Variants in ADRA1A observed in about 807,000 individuals in gnomAD.
ADRA1A encodes adrenoceptor alpha 1A.
In ADRA1A, 31 loss-of-function variants were observed where a neutral mutation model predicts 29.6. That is an observed-to-expected ratio of 1.05 (90% confidence interval 0.79 to 1.41). ADRA1A has a LOEUF of 1.41. ADRA1A is among the 40% of genes most tolerant of loss of function. The pLI is 0.00. For missense variants in ADRA1A, 619 were observed against 601.1 expected (o/e 1.03, Z -0.31); for synonymous variants, 311 against 254.3 (o/e 1.22, Z -2.12).
At chr8:26,816,042 A>G (rs1291588784) in intron 2 of ADRA1A, among the ~76,000 whole-genome samples, 1 of 152,194 alleles carries the variant, frequency 6.6e-6, no homozygotes, top group Non-Finnish European at 1.5e-5. Context: ...GGATCTCCAG[A>G]AAGGCAAGAC....
chr8:26,801,714 AT>A (rs1585719096), intron 2 of ADRA1A, among the ~76,000 whole-genome samples: 1 of 152,130 alleles, frequency 6.6e-6, no homozygotes, highest in African/African-American at 2.4e-5. Context: ...ATTCAGTGCA[AT>A]CCCTATCGAA....
At chr8:26,829,600 GTAATATGA>G (rs915936815) in intron 2 of ADRA1A, among the ~76,000 whole-genome samples, 1 of 152,140 alleles carries the variant, frequency 6.6e-6, no homozygotes, top group African/African-American at 2.4e-5. Flanking sequence ...TGAATAGTCG[GTAATATGA>G]TAATATGATA....
At chr8:26,826,037 T>C (rs987074618) in intron 2 of ADRA1A, among the ~76,000 whole-genome samples, 1 of 152,220 alleles carries the variant, frequency 6.6e-6, no homozygotes, top group African/African-American at 2.4e-5. Flanking sequence ...GAGTTCATTT[T>C]CGTCATGGAG....
chr8:26,776,906 G>A (rs940076757), intron 2 of ADRA1A, among the ~76,000 whole-genome samples: 1 of 152,168 alleles, frequency 6.6e-6, no homozygotes, highest in African/African-American at 2.4e-5. Context: ...TCAGCGAGTG[G>A]TCTCTCCGAT....
chr8:26,774,234 A>T (rs1806378675), intron 2 of ADRA1A, among the ~76,000 whole-genome samples: 1 of 152,176 alleles, frequency 6.6e-6, no homozygotes, highest in African/African-American at 2.4e-5. Flanking sequence ...ATCCATTCTC[A>T]TGCTTGGAGT....
In ADRA1A at chr8:26,777,909, G is replaced by A. The variant is rs145405560; in HGVS notation, c.884-7243C>T. ...CCCACTTTTCCAGGGACTGAGGCAC[G>A]TTGGTCTATGGTTACTGTGAAAAAC... On this transcript the variant is annotated intron_variant, in intron 2 of 2. Transcript: ENST00000380573. Among the ~76,000 whole-genome samples the A allele has an allele frequency of 1.2e-4, 19 of 152,306 alleles. 1 individual carries two copies. In the East Asian group the frequency reaches 3.7e-3, roughly 29 times the overall value.
At chr8:26,801,465 C>T (rs1204253258) in intron 2 of ADRA1A, among the ~76,000 whole-genome samples, 1 of 151,926 alleles carries the variant, frequency 6.6e-6, no homozygotes, top group Admixed American at 6.6e-5. Context: ...TTTCTATATG[C>T]CAACAGCAAA....
chr8:26,776,459 G>C (rs780561192), intron 2 of ADRA1A, among the ~76,000 whole-genome samples: 5 of 152,186 alleles, frequency 3.3e-5, no homozygotes, highest in Non-Finnish European at 5.9e-5. Context: ...TGTGAAGACT[G>C]GCAGGCACTT....
Position 26,810,319 on chromosome 8 carries a change from G to GT in ADRA1A, c.884-39654dup, listed in dbSNP as rs1809287605. On this transcript the variant is annotated intron_variant, in intron 2 of 2. Coordinates refer to ENST00000380573, the MANE Select transcript of ADRA1A (RefSeq NM_000680.4). ...CTACAGAATGTCATCATGACTATGG[G>GT]TTTTTTCCCTTGATCCGTCCTAAGA... Among the ~76,000 whole-genome samples the GT allele has an allele frequency of 3.9e-5, 6 of 152,210 alleles. No homozygotes were observed. In the South Asian group the frequency reaches 1.2e-3, roughly 32 times the overall value.
rs192020319 is a variant in ADRA1A, at chr8:26,855,192, T to A, written c.883+8895A>T. On this transcript the variant is annotated intron_variant, in intron 2 of 2. Transcript: ENST00000380573. The stretch of plus-strand genomic sequence containing the variant: ...ATTGGATTTGAATGAGTTTATTAAA[T>A]TTAACTAAAAGTGTGTGTGCATGCA... Among the ~76,000 whole-genome samples the A allele has an allele frequency of 5.0e-3, 738 of 148,316 alleles. 6 individuals carry two copies. Among genetic ancestry groups the A allele is most frequent in the Non-Finnish European group, 7.2e-3 (489 of 67,542 alleles).
chr8:26,748,420 G>T, exon 3 of ADRA1A: 1 of 183,386 alleles, frequency 5.5e-6, no homozygotes, highest in South Asian at 9.4e-5. Context: ...CCACAGAAAG[G>T]ATTGCACTGT....
intron 2 of ADRA1A, among the ~76,000 whole-genome samples, chr8:26,824,421 G>C (rs371269072): frequency 7.2e-5 from 11 of 152,230 alleles, no homozygotes; most frequent in African/African-American, 2.6e-4. Context: ...TTCGTTTTTT[G>C]CATCTCTGAA....
Position 26,769,656 on chromosome 8 carries a change from C to T in ADRA1A, c.*493G>A, listed in dbSNP as rs1805991786. On this transcript the variant is annotated 3_prime_UTR_variant, in exon 3 of 3. Transcript: ENST00000380573. ...AGGACTTGCTCTAAAAATAATGTGT[C>T]TGGATCTCGGCCACCATCTTAATGC... The T allele has an allele frequency of 1.0e-6, 1 of 984,918 alleles. No homozygotes were observed. The highest frequency in any genetic ancestry group is 4.7e-5 in the South Asian group (1 of 21,254). The allele number at this position is 984,918 out of a possible 1,614,324, so 61.0% of individuals were successfully genotyped here.
chr8:26,839,541 A>G (rs1811664240), intron 2 of ADRA1A, among the ~76,000 whole-genome samples: 1 of 152,022 alleles, frequency 6.6e-6, no homozygotes, highest in Admixed American at 6.6e-5. Context: ...TTGGTCCTTT[A>G]TTGGGCTTAA....
In ADRA1A at chr8:26,821,321, C is replaced by T. The variant is rs1266031629; in HGVS notation, c.883+42766G>A. On this transcript the variant is annotated intron_variant, in intron 2 of 2. Coordinates refer to ENST00000380573, the MANE Select transcript of ADRA1A (RefSeq NM_000680.4). The surrounding 1 kb of genome is among the most constrained non-coding windows in gnomAD (Gnocchi z 5.6). ...TCTAGCATTTGCTTCTGGTGAGGGC[C>T]TCAGGAAGCATACAGTCATGGTGGA... Among the ~76,000 whole-genome samples, 1 of 152,124 alleles carries T rather than the reference C, an allele frequency of 6.6e-6. No homozygotes were observed. Among genetic ancestry groups the T allele is most frequent in the African/African-American group, 2.4e-5 (1 of 41,426 alleles).
At chr8:26,859,514 A>G (rs1202265999) in intron 2 of ADRA1A, among the ~76,000 whole-genome samples, 1 of 152,198 alleles carries the variant, frequency 6.6e-6, no homozygotes, top group East Asian at 1.9e-4. Flanking sequence ...ATTGTTGACA[A>G]TTTGTCTCCT....
Position 26,769,934 on chromosome 8 carries a change from T to C in ADRA1A, c.*215A>G. On this transcript the variant is annotated 3_prime_UTR_variant, in exon 3 of 3. Transcript: ENST00000380573. ...AAGCATTAGCTGCAGGGAAATGCTG[T>C]TCCGTATCATTCTGAACTGGTTGGT... The C allele has an allele frequency of 7.6e-7, 1 of 1,309,550 alleles. No homozygotes were observed. The highest frequency in any genetic ancestry group is 9.7e-7 in the Non-Finnish European group (1 of 1,033,154). 81.1% of individuals were successfully genotyped at this position (1,309,550 alleles called of 1,614,324 possible).
At chr8:26,834,219 C>G (rs1811189625) in intron 2 of ADRA1A, among the ~76,000 whole-genome samples, 1 of 152,160 alleles carries the variant, frequency 6.6e-6, no homozygotes, top group African/African-American at 2.4e-5. Context: ...GAGAAAGCTA[C>G]AAAGATGAAC....
downstream of ADRA1A, among the ~76,000 whole-genome samples, chr8:26,761,823 C>G (rs1805519543): frequency 6.6e-6 from 1 of 152,086 alleles, no homozygotes; most frequent in Admixed American, 6.6e-5. Flanking sequence ...GTTCCTGGAA[C>G]AAGAATATGA....
Sources: allele counts gnomAD v4.1 joint callset (sites outside exome capture counted in the v4.1 genomes callset), GRCh38; gene constraint gnomAD v4.1.1; non-coding constraint Gnocchi (gnomAD v3.1); transcripts MANE v1.5; gene names NCBI Gene and HGNC (gene_info 2026-07-23, HGNC 2026-07-21).